RBFOX1: variants seen among roughly 807,000 people sequenced by gnomAD.
The protein encoded by RBFOX1 is RNA binding protein fox-1 homolog 1.
In RBFOX1, 8 loss-of-function variants were observed where a neutral mutation model predicts 57.7. The observed-to-expected ratio is 0.14, with a 90% CI of 0.08 to 0.25. RBFOX1 has a LOEUF of 0.25. Ranked by LOEUF, RBFOX1 falls within the 10% of genes least tolerant of loss-of-function variation. The probability of loss-of-function intolerance (pLI) is 1.00; values close to 1 mark genes in which losing one functional copy is unlikely to be tolerated. For missense variants in RBFOX1, 611 were observed against 548.5 expected (o/e 1.11, Z -1.14); for synonymous variants, 326 against 222.4 (o/e 1.47, Z -4.15).
At chr16:7,568,568 C>G (rs918182870) in intron 5 of RBFOX1, among the ~76,000 whole-genome samples, 1 of 152,028 alleles carries the variant, frequency 6.6e-6, no homozygotes, top group Non-Finnish European at 1.5e-5. Flanking sequence ...TTGTGCTGAC[C>G]TCTTATCTCA....
At chr16:5,892,124 C>T (rs2058058629) in intron 4 of RBFOX1, among the ~76,000 whole-genome samples, 1 of 152,166 alleles carries the variant, frequency 6.6e-6, no homozygotes, top group South Asian at 2.1e-4. Context: ...GGATGGATTA[C>T]ACAGGATGTT....
At chr16:6,896,496 C>G (rs1335817963) in intron 3 of RBFOX1, among the ~76,000 whole-genome samples, 1 of 152,066 alleles carries the variant, frequency 6.6e-6, no homozygotes, top group East Asian at 1.9e-4. Flanking sequence ...TTTTAGATCC[C>G]ACTAATAAGT....
chr16:5,734,152 G>T (rs2052488335), intron 3 of RBFOX1, among the ~76,000 whole-genome samples: 1 of 152,104 alleles, frequency 6.6e-6, no homozygotes. Context: ...TCTGAGATAG[G>T]TGTCTTGTCT....
intron 2 of RBFOX1, among the ~76,000 whole-genome samples, chr16:5,566,719 T>C (rs970347135): frequency 1.3e-5 from 2 of 151,964 alleles, no homozygotes; most frequent in East Asian, 1.9e-4. Context: ...TATCCTAATA[T>C]GGACAAACTA....
chr16:5,483,449 T>A (rs11646409), intron 2 of RBFOX1, among the ~76,000 whole-genome samples: 52,662 of 152,054 alleles, frequency 0.35, 9,326 homozygotes, highest in Middle Eastern at 0.48. Context: ...TGGAAACTGG[T>A]GTTGCCTTGG....
intron 1 of RBFOX1, among the ~76,000 whole-genome samples, chr16:5,402,929 A>C (rs2066754528): frequency 6.6e-6 from 1 of 152,248 alleles, no homozygotes; most frequent in African/African-American, 2.4e-5. Context: ...GTAAAATATC[A>C]GTGCAGCATT....
At chr16:6,655,855 G>A (rs1426692959) in intron 3 of RBFOX1, among the ~76,000 whole-genome samples, 3 of 152,130 alleles carry the variant, frequency 2.0e-5, no homozygotes, top group South Asian at 4.1e-4. Context: ...CATGACTGGG[G>A]CATGTCTGCT....
chr16:7,243,842 A>G (rs1009793154), intron 4 of RBFOX1, among the ~76,000 whole-genome samples: 9 of 152,110 alleles, frequency 5.9e-5, no homozygotes, highest in Admixed American at 1.3e-4. Context: ...GAGCCACTGC[A>G]TCCTACCCCT....
At chr16:7,510,315 A>G in intron 4 of RBFOX1, 1 of 985,700 alleles carries the variant, frequency 1.0e-6, no homozygotes, top group Admixed American at 6.1e-5. Flanking sequence ...TGCAGCAGGT[A>G]TTTTTGTTTT....
At chr16:6,902,490 G>A (rs1473198022) in intron 3 of RBFOX1, among the ~76,000 whole-genome samples, 3 of 152,178 alleles carry the variant, frequency 2.0e-5, no homozygotes, top group African/African-American at 7.2e-5. Flanking sequence ...GAGAGGCAGG[G>A]TGGGGAGAAT....
chr16:6,168,978 A>C (rs1163864119), intron 1 of RBFOX1, among the ~76,000 whole-genome samples: 2 of 152,138 alleles, frequency 1.3e-5, no homozygotes, highest in African/African-American at 4.8e-5. Flanking sequence ...GTGGGGTGCT[A>C]CAGCATGAAT....
intron 5 of RBFOX1, among the ~76,000 whole-genome samples, chr16:7,552,316 C>G (rs1372441756): frequency 1.3e-5 from 2 of 152,086 alleles, no homozygotes; most frequent in Non-Finnish European, 2.9e-5. Flanking sequence ...AATCCATAGA[C>G]TCCATCAATT....
At chr16:7,414,694 T>C (rs796211925) in intron 4 of RBFOX1, among the ~76,000 whole-genome samples, 9 of 152,344 alleles carry the variant, frequency 5.9e-5, no homozygotes, top group African/African-American at 2.2e-4. Flanking sequence ...CTCAGTTCAC[T>C]GCAACCTCCG....
At chr16:6,863,941 T>C (rs909566400) in intron 3 of RBFOX1, among the ~76,000 whole-genome samples, 3 of 151,624 alleles carry the variant, frequency 2.0e-5, no homozygotes, top group Non-Finnish European at 4.4e-5. Context: ...GCTCCCTCCT[T>C]CTTCCTTCTC....
At chr16:6,181,273 A>G (rs2152789405) in intron 1 of RBFOX1, among the ~76,000 whole-genome samples, 1 of 152,328 alleles carries the variant, frequency 6.6e-6, no homozygotes, top group South Asian at 2.1e-4. Flanking sequence ...AGCTGCCAGT[A>G]CTCATAGCCT....
rs549729484 is a variant in RBFOX1, at chr16:6,663,904, G to A, written c.-16+9254G>A. On this transcript the variant is annotated intron_variant, in intron 3 of 15. Coordinates refer to ENST00000550418, the MANE Select transcript of RBFOX1 (RefSeq NM_018723.4). Reference sequence around the variant, plus strand: ...CTGAATACACGTCAGTGTAGCTGGGGCTCAGGCAGCAGTGGGAAAAGTGGC... The same window carrying A: ...CTGAATACACGTCAGTGTAGCTGGGACTCAGGCAGCAGTGGGAAAAGTGGC... 5.9e-5 allele frequency among the ~76,000 whole-genome samples: 9 copies of A among 152,314 alleles called. No homozygotes were observed. The East Asian group carries it at 1.7e-3, about 29-fold the overall frequency.
chr16:5,651,903 C>G (rs2049252507), intron 3 of RBFOX1, among the ~76,000 whole-genome samples: 1 of 152,142 alleles, frequency 6.6e-6, no homozygotes, highest in African/African-American at 2.4e-5. Context: ...AAGGCCAAGG[C>G]AGGAGGATCG....
intron 3 of RBFOX1, among the ~76,000 whole-genome samples, chr16:5,698,662 T>C (rs1407590145): frequency 6.6e-6 from 1 of 152,170 alleles, no homozygotes; most frequent in Non-Finnish European, 1.5e-5. Context: ...TCTGTAGCAA[T>C]ACTGTTCACC....
intron 7 of RBFOX1, among the ~76,000 whole-genome samples, chr16:7,592,973 A>C (rs1029888057): frequency 7.2e-6 from 1 of 138,534 alleles, no homozygotes; most frequent in Non-Finnish European, 1.5e-5. Context: ...AGGCTGTCAC[A>C]CCTGGCTTTT....
Sources: gnomAD v4.1 joint callset for allele counts (sites outside exome capture counted in the v4.1 genomes callset) on GRCh38, gnomAD v4.1.1 for gene constraint, MANE v1.5 for transcripts, NCBI Gene and HGNC (gene_info 2026-07-23, HGNC 2026-07-21) for gene names.